The following CNTN1 variants were observed in gnomAD, a reference collection of about 807,000 sequenced individuals.
CNTN1 encodes contactin-1.
Under a neutral mutation model 126.4 loss-of-function variants are expected in CNTN1, and 38 were observed. The ratio of observed to expected loss-of-function variants is 0.30; its 90% confidence interval spans 0.23 to 0.39. The LOEUF (loss-of-function observed/expected upper bound fraction) is 0.39, where lower values mean the gene tolerates loss of function less well. Ranked by LOEUF, CNTN1 falls within the 10% of genes least tolerant of loss-of-function variation. The probability of loss-of-function intolerance (pLI) is 1.00; values close to 1 mark genes in which losing one functional copy is unlikely to be tolerated. For synonymous variants in CNTN1, 413 were observed against 422.6 expected, an observed-to-expected ratio of 0.98 and a Z score of 0.28; for missense variants, 1,009 against 1,248.4, an observed-to-expected ratio of 0.81 and a Z score of 2.89.
intron 15 of CNTN1, among the ~76,000 whole-genome samples, chr12:40,973,846 A>T (rs1947595605): frequency 6.6e-6 from 1 of 152,148 alleles, no homozygotes; most frequent in Non-Finnish European, 1.5e-5. Context: ...GCTACTTTAC[A>T]TCCTGTTTAT....
intron 15 of CNTN1, among the ~76,000 whole-genome samples, chr12:40,959,570 T>A (rs530777869): frequency 6.6e-6 from 1 of 152,112 alleles, no homozygotes; most frequent in African/African-American, 2.4e-5. Flanking sequence ...TTTCCTTTTT[T>A]ATTTCTATGG....
chr12:40,842,840 T>C (rs4768312), intron 1 of CNTN1, among the ~76,000 whole-genome samples: 89,439 of 151,948 alleles, frequency 0.59, 26,780 homozygotes, highest in East Asian at 0.77. Context: ...CTTTTAGGGA[T>C]TTGTTATGTT....
rs763521282 is a variant in CNTN1, at chr12:41,020,390, A to G, written c.2473A>G (p.Ile825Val). The G allele has an allele frequency of 2.4e-5, 39 of 1,612,660 alleles. No individual in the cohort carries two copies. Among genetic ancestry groups the G allele is most frequent in the Non-Finnish European group, 3.1e-5 (37 of 1,179,298 alleles). ...VGVKVLSSSE[I>V]SVHWEHVLEK... The stretch of plus-strand genomic sequence containing the variant: ...TGTAAAAGTCTTATCATCTTCTGAG[A>G]TATCTGTTCATTGGGAACATGTTTT... The change falls in exon 20 of 24, where the codon ATA (isoleucine) becomes GTA (valine). Residue 825 changes from isoleucine to valine, a missense_variant. Physicochemically the swap from Ile to Val is conservative, Grantham distance 29. Transcript: ENST00000551295.
In CNTN1 at chr12:40,993,000, T is replaced by C. The variant is rs533258585; in HGVS notation, c.1964-120T>C. 8 of 854,320 alleles carry C rather than the reference T, an allele frequency of 9.4e-6. No individual in the cohort carries two copies. The Admixed American group carries it at 1.8e-4, about 20-fold the overall frequency. 52.9% of individuals were successfully genotyped at this position (854,320 alleles called of 1,614,324 possible). A position where few individuals can be genotyped will look rare whatever the true frequency, so the allele number is the denominator to read the frequency against. On this transcript the variant is annotated intron_variant, in intron 16 of 23. Coordinates refer to ENST00000551295, the MANE Select transcript of CNTN1 (RefSeq NM_001843.4). ...ACATTTTGTCATTCCTAGTTGTAGT[T>C]TTTACTTCAACTCAGTGTAATATAT...
At chr12:40,726,937 A>C (rs1942368815) in intron 1 of CNTN1, among the ~76,000 whole-genome samples, 1 of 150,764 alleles carries the variant, frequency 6.6e-6, no homozygotes, top group African/African-American at 2.4e-5. Flanking sequence ...ATTAATTATG[A>C]AAAATCTAAA....
At chr12:41,043,219 C>A (rs1445466926) in intron 23 of CNTN1, among the ~76,000 whole-genome samples, 2 of 152,158 alleles carry the variant, frequency 1.3e-5, no homozygotes, top group African/African-American at 2.4e-5. Flanking sequence ...AGGCAACCTA[C>A]AAAATGGGAG....
chr12:40,727,254 G>C (rs1038879937), intron 1 of CNTN1, among the ~76,000 whole-genome samples: 1 of 151,630 alleles, frequency 6.6e-6, no homozygotes, highest in Non-Finnish European at 1.5e-5. Context: ...CTATTTACAA[G>C]AGAAAAGTTT....
intron 1 of CNTN1, among the ~76,000 whole-genome samples, chr12:40,856,763 AGCAGGAGGT>A (rs1400958321): frequency 1.3e-5 from 2 of 151,914 alleles, no homozygotes; most frequent in Non-Finnish European, 2.9e-5. Flanking sequence ...AAAGTCCAGC[AGCAGGAGGT>A]CTGGGATGTC....
chr12:40,720,656 C>T (rs959669794), intron 1 of CNTN1, among the ~76,000 whole-genome samples: 4 of 152,064 alleles, frequency 2.6e-5, no homozygotes, highest in South Asian at 2.1e-4. Flanking sequence ...AGGCCAGGCG[C>T]GGTGGCTCAT....
chr12:40,745,812 C>T (rs1025817873), intron 1 of CNTN1, among the ~76,000 whole-genome samples: 1 of 152,004 alleles, frequency 6.6e-6, no homozygotes, highest in Non-Finnish European at 1.5e-5. Context: ...GATTTCTTTC[C>T]TTATCTGTCA....
intron 1 of CNTN1, among the ~76,000 whole-genome samples, chr12:40,747,637 A>T (rs1938237946): frequency 6.6e-6 from 1 of 152,004 alleles, no homozygotes; most frequent in Admixed American, 6.6e-5. Context: ...CTGGATGGAG[A>T]ATAGCTTGCA....
intron 1 of CNTN1, among the ~76,000 whole-genome samples, chr12:40,829,435 A>G (rs1359850945): frequency 2.0e-5 from 3 of 152,086 alleles, no homozygotes; most frequent in Non-Finnish European, 4.4e-5. Flanking sequence ...TGTTTGCTAA[A>G]TCATCTATCA....
chr12:40,905,225 A>G (rs1565917524), intron 1 of CNTN1, among the ~76,000 whole-genome samples: 1 of 152,154 alleles, frequency 6.6e-6, no homozygotes, highest in South Asian at 2.1e-4. Flanking sequence ...TTTATTTTCA[A>G]TTTACTGAGA....
chr12:40,980,635 T>C (rs1947797191), intron 15 of CNTN1, among the ~76,000 whole-genome samples: 3 of 152,144 alleles, frequency 2.0e-5, no homozygotes, highest in Admixed American at 2.0e-4. Flanking sequence ...GCCAATTGCA[T>C]ATAATGAGTC....
At chr12:40,983,722 A>AT (rs1211643163) in intron 16 of CNTN1, among the ~76,000 whole-genome samples, 1 of 148,322 alleles carries the variant, frequency 6.7e-6, no homozygotes, top group African/African-American at 2.5e-5. Context: ...CTTTTGTGCT[A>AT]TTACAGTACT....
intron 5 of CNTN1, 147 bp downstream of exon 5, chr12:40,922,575 A>C: frequency 1.3e-6 from 1 of 742,092 alleles, no homozygotes; most frequent in Non-Finnish European, 2.4e-6. Context: ...TAATGGAGAC[A>C]ACAAAGCACC....
At chr12:40,741,470 A>C (rs757206520) in intron 1 of CNTN1, among the ~76,000 whole-genome samples, 1 of 152,096 alleles carries the variant, frequency 6.6e-6, no homozygotes, top group Non-Finnish European at 1.5e-5. Flanking sequence ...AAGAAATAAA[A>C]GTGATAAACT....
intron 1 of CNTN1, among the ~76,000 whole-genome samples, chr12:40,802,562 G>A (rs1940696655): frequency 6.6e-6 from 1 of 151,872 alleles, no homozygotes. Context: ...AGAAAAATGA[G>A]TGCCCTTTAC....
chr12:40,797,113 C>T (rs12427162), intron 1 of CNTN1, among the ~76,000 whole-genome samples: 31,437 of 151,830 alleles, frequency 0.21, 3,477 homozygotes, highest in Non-Finnish European at 0.26. Flanking sequence ...TTTTTGGCAC[C>T]CCCTATGTGC....
Sources: gnomAD v4.1 joint callset for allele counts (sites outside exome capture counted in the v4.1 genomes callset) on GRCh38, gnomAD v4.1.1 for gene constraint, MANE v1.5 for transcripts, NCBI Gene and HGNC (gene_info 2026-07-23, HGNC 2026-07-21) for gene names.